Variants in TOGARAM2 observed in about 807,000 individuals in gnomAD.
The protein encoded by TOGARAM2 is TOG array regulator of axonemal microtubules 2.
In TOGARAM2, 85 loss-of-function variants were observed where a neutral mutation model predicts 93.3. The ratio of observed to expected loss-of-function variants is 0.91; its 90% CI spans 0.76 to 1.09. The LOEUF (loss-of-function observed/expected upper bound fraction) is 1.09, where lower values mean the gene tolerates loss of function less well. Among genes scored for constraint, TOGARAM2 ranks in the 50% least tolerant of loss-of-function variants. The pLI is 0.00. For missense variants in TOGARAM2, 1,277 were observed against 1,334.5 expected (o/e 0.96, Z 0.67); for synonymous variants, 593 against 552.8 (o/e 1.07, Z -1.02).
intron 18 of TOGARAM2, among the ~76,000 whole-genome samples, chr2:29,037,384 G>A (rs1001283357): frequency 1.3e-5 from 2 of 152,168 alleles, no homozygotes; most frequent in African/African-American, 4.8e-5. Flanking sequence ...GTAGACTTAT[G>A]GCCAGCCCAG....
intron 14 of TOGARAM2, among the ~76,000 whole-genome samples, chr2:29,032,100 C>T (rs1183430805): frequency 2.0e-5 from 3 of 152,214 alleles, no homozygotes; most frequent in Non-Finnish European, 2.9e-5. Context: ...CTCCACCAAT[C>T]CATCCTCCAC....
At chr2:28,984,682 G>A (rs1254285786) in intron 1 of TOGARAM2, among the ~76,000 whole-genome samples, 1 of 152,186 alleles carries the variant, frequency 6.6e-6, no homozygotes, top group Non-Finnish European at 1.5e-5. Flanking sequence ...GAGACTCCAG[G>A]ACTATGATCA....
intron 1 of TOGARAM2, among the ~76,000 whole-genome samples, chr2:28,974,802 TA>T (rs61264656): frequency 0.18 from 26,864 of 151,472 alleles, 2,589 homozygotes; most frequent in East Asian, 0.3. Context: ...TTATTATTAT[TA>T]TTTTTTTAAT....
intron 1 of TOGARAM2, among the ~76,000 whole-genome samples, chr2:28,968,542 C>T (rs1307505278): frequency 6.6e-6 from 1 of 151,972 alleles, no homozygotes; most frequent in South Asian, 2.1e-4. Flanking sequence ...CATATGCACC[C>T]TAGGAAAAGT....
intron 18 of TOGARAM2, among the ~76,000 whole-genome samples, chr2:29,044,812 A>G (rs1174192467): frequency 1.3e-5 from 2 of 152,102 alleles, no homozygotes; most frequent in African/African-American, 4.8e-5. Flanking sequence ...GGCTTTGAGA[A>G]GAGCTATACT....
chr2:29,036,646 C>T lies in TOGARAM2; in HGVS notation c.2524C>T (p.His842Tyr). The T allele has an allele frequency of 6.2e-7, 1 of 1,613,990 alleles. No homozygotes were observed. Among genetic ancestry groups the T allele is most frequent in the South Asian group, 1.1e-5 (1 of 91,080 alleles). Residue 842 changes from histidine (H) to tyrosine (Y), a missense_variant, in exon 18 of 20, where the codon CAC becomes TAC. By Grantham distance (83) the His-to-Tyr change is moderately conservative (BLOSUM62 2). Transcript: ENST00000379558. ...GATCCCCCTCCTCAGAGAGAGCTTACACCCCATGCTGCTCTCCATCATCAT... is the reference window on the plus strand; with the variant it reads ...GATCCCCCTCCTCAGAGAGAGCTTATACCCCATGCTGCTCTCCATCATCAT... ...KMIPLLRESL[H>Y]PMLLSIIITV...
intron 1 of TOGARAM2, among the ~76,000 whole-genome samples, chr2:28,961,403 G>C (rs918240751): frequency 6.6e-6 from 1 of 151,892 alleles, no homozygotes; most frequent in Non-Finnish European, 1.5e-5. Context: ...GTGTAGTAAC[G>C]CAAACTCGGC....
rs775394536 is a variant in TOGARAM2 at position 29,024,151 on chromosome 2, C to T, written c.1630C>T (p.Arg544Trp). The T allele has an allele frequency of 2.9e-5, 45 of 1,577,042 alleles. No homozygotes were observed. The highest frequency in any genetic ancestry group is 9.3e-5 in the South Asian group (8 of 85,860). ...LVVTGEVTNL[R>W]SKVSHLAIST... ...TCCTCTCTCCAAGGTCACCAACCTGCGGTCCAAGGTGTCTCACCTGGCCAT... is the reference window on the plus strand; with the variant it reads ...TCCTCTCTCCAAGGTCACCAACCTGTGGTCCAAGGTGTCTCACCTGGCCAT... The change falls in exon 13 of 20, where the codon CGG (arginine) becomes TGG (tryptophan). Residue 544 changes from arginine to tryptophan, a missense_variant. Transcript: ENST00000379558.
At chr2:28,971,370 C>A (rs977448431) in intron 1 of TOGARAM2, among the ~76,000 whole-genome samples, 9 of 152,060 alleles carry the variant, frequency 5.9e-5, no homozygotes, top group Non-Finnish European at 1.2e-4. Flanking sequence ...CGCCATCATG[C>A]CTGACTAATT....
intron 18 of TOGARAM2, among the ~76,000 whole-genome samples, chr2:29,040,005 C>T (rs867890808): frequency 2.0e-5 from 3 of 152,286 alleles, no homozygotes; most frequent in South Asian, 2.1e-4. Context: ...GCTTGGAATG[C>T]GGGTGGCTTC....
At chr2:29,038,484 G>A (rs1243441188) in intron 18 of TOGARAM2, among the ~76,000 whole-genome samples, 2 of 152,224 alleles carry the variant, frequency 1.3e-5, no homozygotes, top group Middle Eastern at 3.4e-3. Context: ...TTTTGTTTTT[G>A]TTTTTTCGAG....
At position 29,011,464 on chromosome 2, in the gene TOGARAM2, G is replaced by A; in HGVS notation, c.840G>A (p.Arg280=). The A allele has an allele frequency of 1.2e-6, 2 of 1,609,288 alleles. No homozygotes were observed. Among genetic ancestry groups the A allele is most frequent in the African/African-American group, 1.3e-5 (1 of 74,712 alleles). Residue 280 remains arginine, a synonymous_variant, in exon 7 of 20, where the codon CGG becomes CGA. Coordinates refer to ENST00000379558, the MANE Select transcript of TOGARAM2 (RefSeq NM_199280.4). ...GLRAPRTRLA[R]GSGPREKTPA... is the part of the protein sequence containing the mutation. ...CCCCCGTTCTTTTAAGATTGGCTCG[G>A]GGGAGTGGGCCTCGGGAGAAGACCC...
At chr2:28,965,107 C>G (rs939194268) in intron 1 of TOGARAM2, among the ~76,000 whole-genome samples, 1 of 152,214 alleles carries the variant, frequency 6.6e-6, no homozygotes, top group African/African-American at 2.4e-5. Flanking sequence ...TTCCCACCGA[C>G]AGTGTAAAAG....
intron 7 of TOGARAM2, among the ~76,000 whole-genome samples, chr2:29,014,119 A>G (rs927285987): frequency 6.6e-6 from 1 of 152,144 alleles, no homozygotes; most frequent in African/African-American, 2.4e-5. Flanking sequence ...TGGATAACAC[A>G]TCTGGCCCTG....
At chr2:29,015,312 T>G (rs72788135) in intron 8 of TOGARAM2, among the ~76,000 whole-genome samples, 22,172 of 152,092 alleles carry the variant, frequency 0.15, 2,488 homozygotes, top group African/African-American at 0.31. Context: ...CGCTCCCTCC[T>G]GTGGCCACAT....
In TOGARAM2 at chr2:29,019,123, A is replaced by G. The variant is rs189060353; in HGVS notation, c.1360+1167A>G. On this transcript the variant is annotated intron_variant, in intron 10 of 19. Coordinates refer to ENST00000379558, the MANE Select transcript of TOGARAM2 (RefSeq NM_199280.4). ...TATGGCAAAAATCATGAAAGTGGTA[A>G]TTGAATAATATGATTGATACTGAGA... is the stretch of plus-strand genomic sequence containing the variant. Among the ~76,000 whole-genome samples, 433 of 151,602 alleles carry G rather than the reference A, an allele frequency of 2.9e-3. 5 individuals carry two copies. The highest frequency in any genetic ancestry group is 9.8e-3 in the African/African-American group (406 of 41,356).
At chr2:28,982,142 A>G (rs1330041157) in intron 1 of TOGARAM2, among the ~76,000 whole-genome samples, 1 of 152,182 alleles carries the variant, frequency 6.6e-6, no homozygotes, top group Non-Finnish European at 1.5e-5. Context: ...GTGAGCATGG[A>G]GACAGTCAGG....
intron 1 of TOGARAM2, among the ~76,000 whole-genome samples, chr2:28,991,672 C>G (rs921614581): frequency 6.6e-6 from 1 of 152,172 alleles, no homozygotes; most frequent in Non-Finnish European, 1.5e-5. Context: ...GGGCGTGGAG[C>G]TGCACGCTCC....
Position 29,024,207 on chromosome 2 carries a change from G to A in TOGARAM2, c.1686G>A (p.Leu562=). Residue 562 remains leucine (L), a synonymous_variant, in exon 13 of 20, where the codon TTG becomes TTA. Transcript: ENST00000379558. ...ISTLGDLFQA[L]KKNMDQEAEE... ...CCTTGGGAGACCTCTTCCAGGCCTT[G>A]AAGAAGAATATGGACCAGGAGGCCG... is the stretch of plus-strand genomic sequence containing the variant. 1 of 1,607,104 alleles carries A rather than the reference G, an allele frequency of 6.2e-7. No individual in the cohort carries two copies. Among genetic ancestry groups the A allele is most frequent in the Non-Finnish European group, 8.5e-7 (1 of 1,176,642 alleles).
Sources: gnomAD v4.1 joint callset for allele counts (sites outside exome capture counted in the v4.1 genomes callset) on GRCh38, gnomAD v4.1.1 for gene constraint, MANE v1.5 for transcripts, NCBI Gene and HGNC (gene_info 2026-07-23, HGNC 2026-07-21) for gene names.